The following NDUFAF2 variants were observed in gnomAD, a reference collection of about 807,000 sequenced individuals.
NDUFAF2 encodes NADH dehydrogenase [ubiquinone] 1 alpha subcomplex assembly factor 2.
A neutral mutation model predicts 22.8 loss-of-function variants in NDUFAF2; 13 were observed. The observed-to-expected ratio is 0.57, with a 90% CI of 0.37 to 0.91. The LOEUF is 0.91. Ranked by LOEUF, NDUFAF2 falls within the 40% of genes least tolerant of loss-of-function variation. The pLI, the probability that NDUFAF2 is intolerant of heterozygous loss-of-function variation, is 0.01. For synonymous variants in NDUFAF2, 53 were observed against 64.2 expected (o/e 0.83, Z 0.84); for missense variants, 162 against 195.2 (o/e 0.83, Z 1.01).
intron 1 of NDUFAF2, among the ~76,000 whole-genome samples, chr5:61,021,659 A>C (rs1220390499): frequency 6.6e-6 from 1 of 152,150 alleles, no homozygotes; most frequent in Non-Finnish European, 1.5e-5. Context: ...GATGTTATAC[A>C]TTCTGTTTCT....
intron 1 of NDUFAF2, among the ~76,000 whole-genome samples, chr5:60,974,656 T>C (rs1750878383): frequency 1.3e-5 from 2 of 151,950 alleles, no homozygotes; most frequent in South Asian, 4.1e-4. Flanking sequence ...TCTGCCCTGA[T>C]GGTAATTTTA....
intron 1 of NDUFAF2, among the ~76,000 whole-genome samples, chr5:60,969,022 A>G (rs1750794313): frequency 6.6e-6 from 1 of 151,964 alleles, no homozygotes; most frequent in Non-Finnish European, 1.5e-5. Context: ...GCCCATTCAT[A>G]TTGTTGCAAA....
intron 3 of NDUFAF2, among the ~76,000 whole-genome samples, chr5:61,122,052 A>G (rs1224523788): frequency 6.6e-6 from 1 of 151,098 alleles, no homozygotes; most frequent in Non-Finnish European, 1.5e-5. Context: ...CTGGTCTCAA[A>G]CTCCTGGCCT....
chr5:60,945,345 C>T lies in NDUFAF2; in HGVS notation c.90C>T (p.Asn30=). 6.2e-7 allele frequency: 1 copy of T among 1,614,158 alleles called. No individual in the cohort carries two copies. Among genetic ancestry groups the T allele is most frequent in the South Asian group, 1.1e-5 (1 of 91,084 alleles). ...ACGTGGGCACGGACCAATTCGGGAA[C>T]AAATACTACTACATCCCGCAGTACA... is the stretch of plus-strand genomic sequence containing the variant. ...KEHVGTDQFG[N]KYYYIPQYKN... The change falls in exon 1 of 4, where the codon AAC becomes AAT. Residue 30 remains asparagine (N), a synonymous_variant. Transcript: ENST00000296597.
intron 1 of NDUFAF2, among the ~76,000 whole-genome samples, chr5:61,004,251 A>G (rs1003927846): frequency 4.6e-5 from 7 of 152,050 alleles, no homozygotes; most frequent in Non-Finnish European, 7.4e-5. Flanking sequence ...ATGTTCATAT[A>G]TCTCATGTAC....
intron 1 of NDUFAF2, among the ~76,000 whole-genome samples, chr5:61,072,324 C>G (rs989792566): frequency 6.6e-6 from 1 of 152,146 alleles, no homozygotes; most frequent in Admixed American, 6.5e-5. Context: ...AGAATTCAAC[C>G]CATGGCTTGG....
chr5:61,087,822 A>G lies in NDUFAF2; in HGVS notation c.218-11170A>G, dbSNP rs540821390. On this transcript the variant is annotated intron_variant, in intron 2 of 3. Coordinates refer to ENST00000296597, the MANE Select transcript of NDUFAF2 (RefSeq NM_174889.5). ...CCATGCAAAGGAATACTACACATCA[A>G]TAAAAAATAATGAACTGCTGATATG... Among the ~76,000 whole-genome samples, 34 of 152,294 alleles carry G rather than the reference A, an allele frequency of 2.2e-4. No homozygotes were observed. The South Asian group carries it at 3.7e-3, about 17-fold the overall frequency.
intron 1 of NDUFAF2, among the ~76,000 whole-genome samples, chr5:61,039,991 T>C (rs967669937): frequency 2.0e-5 from 3 of 152,142 alleles, no homozygotes; most frequent in Non-Finnish European, 2.9e-5. Context: ...TTTAAAACCT[T>C]CTTAAGAAGT....
chr5:61,027,477 T>C (rs1026297256), intron 1 of NDUFAF2, among the ~76,000 whole-genome samples: 6 of 152,052 alleles, frequency 3.9e-5, no homozygotes, highest in African/African-American at 1.4e-4. Context: ...AAATATATTT[T>C]GACTTTTTAT....
chr5:61,022,643 GTTGT>G, intron 1 of NDUFAF2, among the ~76,000 whole-genome samples: 1 of 152,148 alleles, frequency 6.6e-6, no homozygotes, highest in Non-Finnish European at 1.5e-5. Context: ...TGGTGGTGAT[GTTGT>G]TTGTTTGTTC....
At chr5:60,952,774 G>A (rs528911738) in intron 1 of NDUFAF2, among the ~76,000 whole-genome samples, 13 of 151,990 alleles carry the variant, frequency 8.6e-5, no homozygotes, top group Admixed American at 5.9e-4. Context: ...ATCAATTATT[G>A]AAAAAAGTAT....
At chr5:61,070,611 A>ACACG (rs1561556514) in intron 1 of NDUFAF2, among the ~76,000 whole-genome samples, 1 of 151,674 alleles carries the variant, frequency 6.6e-6, no homozygotes, top group Non-Finnish European at 1.5e-5. Flanking sequence ...ACACACACAC[A>ACACG]CACACACACA....
intron 1 of NDUFAF2, among the ~76,000 whole-genome samples, chr5:61,004,127 A>G (rs561258341): frequency 9.2e-5 from 14 of 152,006 alleles, no homozygotes; most frequent in African/African-American, 2.9e-4. Context: ...TTATTAGGCT[A>G]TTTGCATCTA....
At chr5:61,007,638 A>G (rs1054511977) in intron 1 of NDUFAF2, among the ~76,000 whole-genome samples, 1 of 152,216 alleles carries the variant, frequency 6.6e-6, no homozygotes, top group Non-Finnish European at 1.5e-5. Context: ...CAGTCATTAA[A>G]AAGTCAGGAA....
chr5:60,976,304 C>CTTT (rs35600173), intron 1 of NDUFAF2, among the ~76,000 whole-genome samples: 1 of 148,132 alleles, frequency 6.8e-6, no homozygotes, highest in Non-Finnish European at 1.5e-5. Context: ...AATGTATGTG[C>CTTT]TTTTTTTTTT....
At chr5:60,966,063 G>A (rs537624622) in intron 1 of NDUFAF2, among the ~76,000 whole-genome samples, 4 of 152,042 alleles carry the variant, frequency 2.6e-5, no homozygotes, top group East Asian at 1.9e-4. Flanking sequence ...CTAGCCATTC[G>A]AATAGGTGCG....
chr5:61,103,501 G>T (rs1347520831), intron 3 of NDUFAF2, among the ~76,000 whole-genome samples: 1 of 151,638 alleles, frequency 6.6e-6, no homozygotes, highest in African/African-American at 2.4e-5. Context: ...TTAAAATTCT[G>T]TGTTTTATTT....
At chr5:61,049,731 G>A (rs986745634) in intron 1 of NDUFAF2, among the ~76,000 whole-genome samples, 2 of 151,606 alleles carry the variant, frequency 1.3e-5, no homozygotes, top group African/African-American at 4.8e-5. Flanking sequence ...ATGTCCTCAG[G>A]TTCATCCATG....
chr5:61,086,648 TA>T (rs1052746134), intron 2 of NDUFAF2, among the ~76,000 whole-genome samples: 1 of 152,070 alleles, frequency 6.6e-6, no homozygotes, highest in African/African-American at 2.4e-5. Flanking sequence ...ATCACAGACC[TA>T]AATATAAAGC....
Sources: gnomAD v4.1 joint callset for allele counts (sites outside exome capture counted in the v4.1 genomes callset) on GRCh38, gnomAD v4.1.1 for gene constraint, MANE v1.5 for transcripts, NCBI Gene and HGNC (gene_info 2026-07-23, HGNC 2026-07-21) for gene names.